ISY1: variants seen among roughly 807,000 people sequenced by gnomAD.
ISY1 encodes the protein pre-mRNA-splicing factor ISY1 homolog.
ISY1 carries 12 observed loss-of-function variants against 54.4 expected under a neutral mutation model. The ratio of observed to expected loss-of-function variants is 0.22; its 90% CI spans 0.14 to 0.36. The LOEUF (loss-of-function observed/expected upper bound fraction) is 0.36, where lower values mean the gene tolerates loss of function less well. Ranked by LOEUF, ISY1 falls within the 10% of genes least tolerant of loss-of-function variation. ISY1 has a pLI of 1.00. For synonymous variants in ISY1, 96 were observed against 117.9 expected (o/e 0.81, Z 1.20); for missense variants, 282 against 342.2 (o/e 0.82, Z 1.39).
At chr3:129,136,746 A>G (rs1163654868) in intron 7 of ISY1, among the ~76,000 whole-genome samples, 1 of 150,282 alleles carries the variant, frequency 6.7e-6, no homozygotes, top group African/African-American at 2.5e-5. Context: ...CTGGAGTGCA[A>G]TGGCGTGATC....
intron 7 of ISY1, among the ~76,000 whole-genome samples, chr3:129,136,790 C>T (rs1012144367): frequency 2.0e-5 from 3 of 151,074 alleles, no homozygotes; most frequent in Non-Finnish European, 4.4e-5. Context: ...CCTGGGTTCA[C>T]GCCATTCTCC....
intron 9 of ISY1, among the ~76,000 whole-genome samples, chr3:129,133,831 G>A (rs1174417854): frequency 6.6e-6 from 1 of 152,212 alleles, no homozygotes; most frequent in Non-Finnish European, 1.5e-5. Context: ...GTATGCAGAA[G>A]GGCCTGTCTT....
At chr3:129,141,461 T>TA (rs1936611098) in intron 6 of ISY1, among the ~76,000 whole-genome samples, 1 of 115,374 alleles carries the variant, frequency 8.7e-6, no homozygotes, top group African/African-American at 3.3e-5. Flanking sequence ...TCAAAAAAAA[T>TA]AAATAAAACT....
intron 5 of ISY1, among the ~76,000 whole-genome samples, chr3:129,152,158 T>A (rs1420606692): frequency 2.0e-5 from 3 of 151,282 alleles, no homozygotes; most frequent in Non-Finnish European, 4.4e-5. Context: ...AAACTCCGTC[T>A]CAGAAAAAAA....
chr3:129,141,765 A>C (rs1246554612), intron 6 of ISY1, among the ~76,000 whole-genome samples: 2 of 151,724 alleles, frequency 1.3e-5, no homozygotes, highest in East Asian at 3.9e-4. Context: ...AAAAAATAAA[A>C]TAAAATAATT....
intron 8 of ISY1, 60 bp from the exon 9 acceptor site, chr3:129,134,255 G>A (rs1050466579): frequency 2.5e-6 from 4 of 1,608,882 alleles, no homozygotes; most frequent in Non-Finnish European, 3.4e-6. Context: ...TCAACACTAT[G>A]CAGGGAAAGG....
intron 7 of ISY1, among the ~76,000 whole-genome samples, chr3:129,138,486 A>T (rs983651570): frequency 4.0e-5 from 6 of 151,248 alleles, no homozygotes; most frequent in African/African-American, 4.9e-5. Flanking sequence ...ATACAAAAAA[A>T]AAATAAAATT....
At chr3:129,136,204 C>T (rs1350413213) in intron 7 of ISY1, among the ~76,000 whole-genome samples, 5 of 151,544 alleles carry the variant, frequency 3.3e-5, no homozygotes, top group Admixed American at 6.6e-5. Context: ...CGGGTTCAAG[C>T]GATTCTCCTG....
chr3:129,156,398 CAA>C (rs11437245), intron 5 of ISY1, among the ~76,000 whole-genome samples: 6 of 115,302 alleles, frequency 5.2e-5, no homozygotes, highest in African/African-American at 1.1e-4. Flanking sequence ...GACTCTGTCT[CAA>C]AAAAAAAAAA....
intron 7 of ISY1, among the ~76,000 whole-genome samples, chr3:129,139,733 C>A (rs1936550959): frequency 6.6e-6 from 1 of 152,102 alleles, no homozygotes; most frequent in Admixed American, 6.6e-5. Flanking sequence ...ACCTCCACCC[C>A]TCAGATTCAA....
chr3:129,140,045 A>G (rs1025152261), intron 7 of ISY1, among the ~76,000 whole-genome samples: 3 of 152,220 alleles, frequency 2.0e-5, no homozygotes, highest in African/African-American at 7.2e-5. Context: ...ACCTGATTCA[A>G]TGAACTTCAG....
chr3:129,155,285 C>T (rs1937102616), intron 5 of ISY1, among the ~76,000 whole-genome samples: 1 of 151,812 alleles, frequency 6.6e-6, no homozygotes, highest in Non-Finnish European at 1.5e-5. Context: ...ACCTCCGCCT[C>T]CCGGGTTCAA....
At chr3:129,140,535 G>C (rs186337655) in intron 6 of ISY1, 50 bp from the exon 7 acceptor site, 2 of 1,513,462 alleles carry the variant, frequency 1.3e-6, no homozygotes, top group African/African-American at 2.8e-5. Context: ...TAGTTAGTTA[G>C]TTATTATTTA....
chr3:129,158,954 A>C (rs1156899860), intron 2 of ISY1, among the ~76,000 whole-genome samples, 200 bp downstream of exon 2: 1 of 152,208 alleles, frequency 6.6e-6, no homozygotes, highest in Non-Finnish European at 1.5e-5. Context: ...TAAGTTCTGG[A>C]AACTGTGAGA....
At chr3:129,150,916 G>C (rs1240148415) in intron 5 of ISY1, among the ~76,000 whole-genome samples, 1 of 150,956 alleles carries the variant, frequency 6.6e-6, no homozygotes, top group Non-Finnish European at 1.5e-5. Context: ...CTTGAGCCCA[G>C]AAGTTCCAGA....
chr3:129,131,813 G>C (rs1050595319), intron 9 of ISY1, among the ~76,000 whole-genome samples: 1 of 152,130 alleles, frequency 6.6e-6, no homozygotes, highest in African/African-American at 2.4e-5. Flanking sequence ...GGTGAGGACA[G>C]GGAGGTGTGA....
chr3:129,138,444 G>C (rs1461042379), intron 7 of ISY1, among the ~76,000 whole-genome samples: 1 of 151,270 alleles, frequency 6.6e-6, no homozygotes, highest in Non-Finnish European at 1.5e-5. Context: ...GACCATCCTG[G>C]CTAACACGGT....
At chr3:129,153,486 T>A (rs912454747) in intron 5 of ISY1, among the ~76,000 whole-genome samples, 2 of 152,032 alleles carry the variant, frequency 1.3e-5, no homozygotes, top group Non-Finnish European at 2.9e-5. Context: ...GTTGTAACAA[T>A]CAAAAATTTC....
At chr3:129,156,551 T>C in intron 5 of ISY1, 82 bp downstream of exon 5, 1 of 1,408,434 alleles carries the variant, frequency 7.1e-7, no homozygotes, top group Non-Finnish European at 9.9e-7. Flanking sequence ...GCTCTATTGA[T>C]TATTTTGAAA....
Sources: allele counts gnomAD v4.1 joint callset (sites outside exome capture counted in the v4.1 genomes callset), GRCh38; gene constraint gnomAD v4.1.1; transcripts MANE v1.5; gene names NCBI Gene and HGNC (gene_info 2026-07-23, HGNC 2026-07-21).